Variants in SAXO5 observed in about 807,000 individuals in gnomAD.
SAXO5 encodes testis expressed 45.
At chr19:7,507,272 C>A in the SAXO5 span, 1 of 770,164 alleles carries the variant, frequency 1.3e-6, no homozygotes, top group Non-Finnish European at 2.2e-6. Context: ...ATCTTAATAT[C>A]CCTTCAGCCT....
chr19:7,500,928 G>A, the SAXO5 span: 1 of 1,583,546 alleles, frequency 6.3e-7, no homozygotes, highest in East Asian at 2.3e-5. Flanking sequence ...GCGGCTGCAC[G>A]AGGGCACCAT....
the SAXO5 span, chr19:7,506,211 A>AG: frequency 8.6e-7 from 1 of 1,158,310 alleles, no homozygotes; most frequent in South Asian, 1.9e-5. Flanking sequence ...CCGCCCCGGG[A>AG]AGCCCCACCC....
the SAXO5 span, chr19:7,505,704 G>A: frequency 5.0e-6 from 7 of 1,388,100 alleles, no homozygotes; most frequent in Non-Finnish European, 7.1e-6. Flanking sequence ...AAGTCCCAAA[G>A]TGGGAGTGAG....
the SAXO5 span, among the ~76,000 whole-genome samples, chr19:7,504,863 C>A: frequency 6.6e-6 from 1 of 152,074 alleles, no homozygotes; most frequent in Non-Finnish European, 1.5e-5. Flanking sequence ...CACTATTGTG[C>A]CAGATCTCTC....
chr19:7,505,007 G>A, the SAXO5 span, among the ~76,000 whole-genome samples: 1 of 137,866 alleles, frequency 7.3e-6, no homozygotes, highest in East Asian at 2.1e-4. Context: ...TTTTTGAGAC[G>A]TAGTCTCGCT....
the SAXO5 span, chr19:7,503,997 A>G: frequency 1.5e-6 from 1 of 669,832 alleles, no homozygotes; most frequent in South Asian, 1.8e-5. Flanking sequence ...CTCTCAGTCT[A>G]CACTGTTCAG....
chr19:7,505,108 C>T, the SAXO5 span, among the ~76,000 whole-genome samples: 107 of 152,122 alleles, frequency 7.0e-4, no homozygotes, highest in African/African-American at 2.2e-3. Flanking sequence ...CTCAGCCTAC[C>T]GAGTAGCTGG....
the SAXO5 span, among the ~76,000 whole-genome samples, chr19:7,498,124 T>G: frequency 6.9e-6 from 1 of 143,950 alleles, no homozygotes; most frequent in African/African-American, 2.6e-5. Context: ...AGCAACAAAC[T>G]TACACACTGA....
At chr19:7,505,259 A>G in the SAXO5 span, 2 of 1,479,050 alleles carry the variant, frequency 1.4e-6, no homozygotes, top group South Asian at 1.1e-5. Flanking sequence ...CTGAGATTAC[A>G]GGGGTGGGCC....
At chr19:7,505,918 G>T in the SAXO5 span, 1 of 1,517,944 alleles carries the variant, frequency 6.6e-7, no homozygotes, top group Non-Finnish European at 8.9e-7. Context: ...CCGGGCCCGG[G>T]GACCTCTCGG....
chr19:7,508,295 C>T, the SAXO5 span: 1 of 1,614,068 alleles, frequency 6.2e-7, no homozygotes, highest in African/African-American at 1.3e-5. Context: ...AGTACCAGGG[C>T]CCAGCAGCCC....
chr19:7,504,346 C>T, the SAXO5 span: 7 of 1,614,194 alleles, frequency 4.3e-6, no homozygotes, highest in Non-Finnish European at 5.9e-6. Context: ...ACTGCAAGAT[C>T]AGCTATGGAT....
chr19:7,498,385 AT>A, the SAXO5 span, among the ~76,000 whole-genome samples: 1 of 110,120 alleles, frequency 9.1e-6, no homozygotes, highest in Non-Finnish European at 1.9e-5. Flanking sequence ...TAATTTTTGT[AT>A]TTTTTTCTTT....
At chr19:7,500,793 C>T in the SAXO5 span, 110 of 1,429,294 alleles carry the variant, frequency 7.7e-5, no homozygotes, top group Non-Finnish European at 1.0e-4. Flanking sequence ...CCCTCATCTC[C>T]ACCCTCTCGC....
At chr19:7,501,213 G>A in the SAXO5 span, 22 of 1,546,026 alleles carry the variant, frequency 1.4e-5, no homozygotes, top group Admixed American at 3.8e-5. Context: ...CGCGCACGCC[G>A]CCTACGGCTG....
the SAXO5 span, among the ~76,000 whole-genome samples, chr19:7,500,081 T>C: frequency 6.6e-6 from 1 of 152,052 alleles, no homozygotes; most frequent in East Asian, 1.9e-4. Context: ...AGTACCCAGC[T>C]ATTACCTTCT....
chr19:7,506,187 C>CGCCCCATGGAGCCCA, the SAXO5 span: 12 of 1,564,564 alleles, frequency 7.7e-6, no homozygotes, highest in Non-Finnish European at 1.0e-5. Context: ...CGGGAAGCCC[C>CGCCCCATGGAGCCCA]GCCCCATGGA....
chr19:7,508,413 T>TGCCCCTATGGGGCACAG, the SAXO5 span: 1 of 1,610,068 alleles, frequency 6.2e-7, no homozygotes, highest in Non-Finnish European at 8.5e-7. Flanking sequence ...TATGTACCTG[T>TGCCCCTATGGGGCACAG]GCCCCAGCCA....
chr19:7,507,109 C>T, the SAXO5 span: 7 of 1,614,098 alleles, frequency 4.3e-6, no homozygotes, highest in Non-Finnish European at 5.9e-6. Context: ...CAGAACACCT[C>T]CGGCCCCGGT....
Sources: allele counts gnomAD v4.1 joint callset (sites outside exome capture counted in the v4.1 genomes callset), GRCh38; gene constraint gnomAD v4.1.1; transcripts MANE v1.5; gene names NCBI Gene and HGNC (gene_info 2026-07-23, HGNC 2026-07-21).